Variants in RLF observed in about 807,000 individuals in gnomAD.
RLF encodes zinc finger protein Rlf.
In RLF, 7 loss-of-function variants were observed where a neutral mutation model predicts 162.9. That is an observed-to-expected ratio of 0.04 (90% CI 0.02 to 0.08). The LOEUF (loss-of-function observed/expected upper bound fraction) is 0.08, where lower values mean the gene tolerates loss of function less well. Ranked by LOEUF, RLF falls within the 10% of genes least tolerant of loss-of-function variation. The probability of loss-of-function intolerance (pLI) is 1.00; values close to 1 mark genes in which losing one functional copy is unlikely to be tolerated. For synonymous variants in RLF, 782 were observed against 791.5 expected (o/e 0.99, Z 0.20); for missense variants, 1,664 against 2,244.7 (o/e 0.74, Z 5.23).
intron 1 of RLF, among the ~76,000 whole-genome samples, chr1:40,165,458 G>T (rs1642151690): frequency 6.6e-6 from 1 of 152,126 alleles, no homozygotes; most frequent in African/African-American, 2.4e-5. Context: ...TTCATTGTGT[G>T]GTTCTCTCAT....
chr1:40,178,386 AAGGGCTAGAAGGAG>A (rs1642355985), intron 1 of RLF, among the ~76,000 whole-genome samples: 5 of 152,102 alleles, frequency 3.3e-5, no homozygotes, highest in Admixed American at 2.6e-4. Context: ...AGTGGTTGCC[AAGGGCTAGAAGGAG>A]GGGAGAATGG....
intron 1 of RLF, among the ~76,000 whole-genome samples, chr1:40,171,056 G>A (rs1376367141): frequency 2.6e-5 from 4 of 152,020 alleles, no homozygotes; most frequent in Non-Finnish European, 5.9e-5. Context: ...AGACAGGATC[G>A]TACTCCCTTG....
chr1:40,218,483 T>C (rs1427989477), intron 5 of RLF, among the ~76,000 whole-genome samples: 1 of 152,238 alleles, frequency 6.6e-6, no homozygotes, highest in Non-Finnish European at 1.5e-5. Context: ...AACCTTTCAT[T>C]CACTGAGTGT....
At chr1:40,205,154 A>C (rs1221020492) in intron 5 of RLF, among the ~76,000 whole-genome samples, 1 of 152,096 alleles carries the variant, frequency 6.6e-6, no homozygotes, top group African/African-American at 2.4e-5. Context: ...TCTGTCCTTA[A>C]AAAAGAGCTC....
chr1:40,185,517 T>TAAAAAAAAA (rs769379758), intron 1 of RLF, among the ~76,000 whole-genome samples: 1 of 23,738 alleles, frequency 4.2e-5, no homozygotes, highest in Non-Finnish European at 7.1e-5. Context: ...AATCTTGCAT[T>TAAAAAAAAA]AAAAAAAAAA....
At chr1:40,175,545 A>G (rs1475305411) in intron 1 of RLF, among the ~76,000 whole-genome samples, 1 of 152,096 alleles carries the variant, frequency 6.6e-6, no homozygotes, top group Non-Finnish European at 1.5e-5. Context: ...GCTACTTGGG[A>G]GACTGAGGCA....
intron 1 of RLF, among the ~76,000 whole-genome samples, chr1:40,170,300 C>T (rs1642225205): frequency 6.6e-6 from 1 of 151,932 alleles, no homozygotes. Flanking sequence ...GTCGCTCAGG[C>T]TGGAGTGCGG....
At chr1:40,211,593 G>A (rs117163280) in intron 5 of RLF, among the ~76,000 whole-genome samples, 3 of 152,090 alleles carry the variant, frequency 2.0e-5, no homozygotes, top group Non-Finnish European at 2.9e-5. Context: ...TAGTATCATC[G>A]TATCATCATA....
At chr1:40,216,480 C>T (rs1452978700) in intron 5 of RLF, among the ~76,000 whole-genome samples, 2 of 146,028 alleles carry the variant, frequency 1.4e-5, no homozygotes, top group African/African-American at 5.0e-5. Context: ...AAGAGCGAAA[C>T]TCTGTCTAAA....
rs372352896 is a variant in RLF at position 40,239,785 on chromosome 1, T to C, written c.5083T>C (p.Cys1695Arg). 7.2e-5 allele frequency: 117 copies of C among 1,614,124 alleles called. No individual in the cohort carries two copies. In the South Asian group the frequency reaches 1.1e-3, roughly 16 times the overall value. Residue 1695 changes from cysteine to arginine, a missense_variant, in exon 8 of 8, where the codon TGT becomes CGT. Physicochemically the swap from Cys to Arg is radical, Grantham distance 180. Transcript: ENST00000372771. ...QCNIVQPPPP[C>R]KIENSIPNPN... The stretch of plus-strand genomic sequence containing the variant: ...TAATATAGTTCAGCCTCCTCCTCCT[T>C]GTAAAATAGAAAATTCCATACCTAA...
chr1:40,224,604 C>T (rs1389122060), intron 6 of RLF, among the ~76,000 whole-genome samples: 7 of 81,958 alleles, frequency 8.5e-5, no homozygotes, highest in South Asian at 4.4e-4. Context: ...TTTTTTTCCC[C>T]TTCCATTGTT....
At chr1:40,197,792 G>T (rs980692690) in intron 4 of RLF, among the ~76,000 whole-genome samples, 1 of 152,190 alleles carries the variant, frequency 6.6e-6, no homozygotes, top group African/African-American at 2.4e-5. Flanking sequence ...TCCTTTCACA[G>T]TTGGCCCTTA....
At chr1:40,177,004 T>C (rs982198718) in intron 1 of RLF, among the ~76,000 whole-genome samples, 7 of 151,910 alleles carry the variant, frequency 4.6e-5, no homozygotes, top group African/African-American at 1.7e-4. Flanking sequence ...ATTTTTTTTT[T>C]TGAGACCGAG....
rs766119686 is a variant in RLF at position 40,240,066 on chromosome 1, T to C, written c.5364T>C (p.Asp1788=). ...GTGAAGAGAAAGAAGATGATTTTGA[T>C]GATTGGGAGCCTTCAGAGCACTTAA... The part of the protein sequence containing the change: ...QESEEKEDDF[D]DWEPSEHLTL... Residue 1788 remains aspartate, a synonymous_variant, in exon 8 of 8, where the codon GAT becomes GAC. Transcript: ENST00000372771. 1 of 1,614,126 alleles carries C rather than the reference T, an allele frequency of 6.2e-7. No individual in the cohort carries two copies. Among genetic ancestry groups the C allele is most frequent in the South Asian group, 1.1e-5 (1 of 91,078 alleles).
intron 5 of RLF, among the ~76,000 whole-genome samples, chr1:40,218,302 G>A (rs911803913): frequency 2.0e-5 from 3 of 152,148 alleles, no homozygotes; most frequent in African/African-American, 4.8e-5. Flanking sequence ...GAGGGCAAAA[G>A]CCTCATTGGG....
rs1367020911 is a variant in RLF at position 40,236,537 on chromosome 1, G to C, written c.1835G>C (p.Arg612Thr). Reference sequence around the variant, plus strand: ...CATGTTAAAATGCCACCAAGCAGAAGGGACCGCTCTAAAAAGAAATTACTG... The same window carrying C: ...CATGTTAAAATGCCACCAAGCAGAACGGACCGCTCTAAAAAGAAATTACTG... ...MEHVKMPPSR[R>T]DRSKKKLLLK... Residue 612 changes from arginine to threonine, a missense_variant, in exon 8 of 8, where the codon AGG (arginine) becomes ACG (threonine). Around this residue, in one of 15 missense-constraint regions of RLF, gnomAD observed 50 missense variants for 46.7 expected, o/e 1.07. Transcript: ENST00000372771. The surrounding 1 kb of genome is among the most constrained non-coding windows in gnomAD (Gnocchi z 7.7). 1 of 1,614,036 alleles carries C rather than the reference G, an allele frequency of 6.2e-7. No individual in the cohort carries two copies. The highest frequency in any genetic ancestry group is 8.5e-7 in the Non-Finnish European group (1 of 1,179,990).
At chr1:40,181,808 G>A (rs562750996) in intron 1 of RLF, among the ~76,000 whole-genome samples, 28 of 152,140 alleles carry the variant, frequency 1.8e-4, no homozygotes, top group Non-Finnish European at 2.9e-4. Flanking sequence ...CAAATTTTCC[G>A]GAGCAGAATT....
intron 3 of RLF, among the ~76,000 whole-genome samples, chr1:40,191,783 A>G (rs997377437): frequency 6.6e-6 from 1 of 152,226 alleles, no homozygotes; most frequent in Non-Finnish European, 1.5e-5. Context: ...TTATGTACCA[A>G]TCACTGCTTT....
chr1:40,174,932 G>C (rs1452330207), intron 1 of RLF, among the ~76,000 whole-genome samples: 1 of 152,172 alleles, frequency 6.6e-6, no homozygotes, highest in Non-Finnish European at 1.5e-5. Flanking sequence ...AAGCACAGTG[G>C]CTCACACCTG....
Sources: gnomAD v4.1 joint callset for allele counts (sites outside exome capture counted in the v4.1 genomes callset) on GRCh38, gnomAD v4.1.1 for gene constraint, gnomAD v4.1.1 regional missense constraint, Gnocchi (gnomAD v3.1) non-coding constraint, MANE v1.5 for transcripts, NCBI Gene and HGNC (gene_info 2026-07-23, HGNC 2026-07-21) for gene names.